Variants in IPO11 observed in about 807,000 individuals in gnomAD.
The protein encoded by IPO11 is importin-11.
A neutral mutation model predicts 143.2 loss-of-function variants in IPO11; 66 were observed. The ratio of observed to expected loss-of-function variants is 0.46; its 90% CI spans 0.38 to 0.57. The LOEUF is 0.57. Ranked by LOEUF, IPO11 falls within the 20% of genes least tolerant of loss-of-function variation. The pLI is 0.00. For missense variants in IPO11, 1,026 were observed against 1,141.0 expected (o/e 0.90, Z 1.45); for synonymous variants, 385 against 377.8 (o/e 1.02, Z -0.22).
intron 6 of IPO11, among the ~76,000 whole-genome samples, 192 bp downstream of exon 6, chr5:62,467,455 G>C (rs1378455762): frequency 8.5e-6 from 1 of 117,256 alleles, no homozygotes; most frequent in African/African-American, 3.0e-5. Flanking sequence ...ATTTTTGAAA[G>C]CACATATAAT....
At chr5:62,488,234 G>C (rs1746480012) in intron 13 of IPO11, among the ~76,000 whole-genome samples, 2 of 152,150 alleles carry the variant, frequency 1.3e-5, no homozygotes, top group African/African-American at 4.8e-5. Context: ...GGATTTGAGA[G>C]AAAATGATGA....
rs1005927019 is a variant in IPO11 at position 62,443,078 on chromosome 5, A to G, written c.234A>G (p.Ala78=). 8 of 1,594,356 alleles carry G rather than the reference A, an allele frequency of 5.0e-6. No individual in the cohort carries two copies. The highest frequency in any genetic ancestry group is 6.0e-6 in the Non-Finnish European group (7 of 1,164,732). The change falls in exon 3 of 30, where the codon GCA becomes GCG. Residue 78 remains alanine, a synonymous_variant. Transcript: ENST00000325324. The stretch of plus-strand genomic sequence containing the variant: ...TTGATCGCTACTGGAGACGTGTAGC[A>G]CCTCAGTAAGTTCCATCACTTCCCC... ...HGIDRYWRRV[A]PHALSEEEKT... is the part of the protein sequence containing the mutation.
chr5:62,623,343 A>ATT (rs1325540329), intron 29 of IPO11, among the ~76,000 whole-genome samples: 1 of 152,226 alleles, frequency 6.6e-6, no homozygotes, highest in Non-Finnish European at 1.5e-5. Context: ...AATGTTCTAC[A>ATT]TTTCTAAGTG....
At chr5:62,503,411 CTAT>C (rs1561338355) in intron 16 of IPO11, among the ~76,000 whole-genome samples, 4 of 147,664 alleles carry the variant, frequency 2.7e-5, no homozygotes, top group Admixed American at 6.8e-5. Context: ...TTAATAGTAT[CTAT>C]TAATATATTA....
At chr5:62,617,560 G>A (rs868063852) in intron 29 of IPO11, among the ~76,000 whole-genome samples, 1 of 152,012 alleles carries the variant, frequency 6.6e-6, no homozygotes, top group Admixed American at 6.6e-5. Flanking sequence ...ATTACACTTT[G>A]TTATGTAGCC....
intron 2 of IPO11, among the ~76,000 whole-genome samples, chr5:62,440,576 C>T (rs1744432797): frequency 6.6e-6 from 1 of 151,944 alleles, no homozygotes; most frequent in East Asian, 2.0e-4. Context: ...AGGCTGGTCT[C>T]TAACTCCTGA....
At chr5:62,562,221 T>C (rs1743796771) in intron 27 of IPO11, 1 of 152,234 alleles carries the variant, frequency 6.6e-6, no homozygotes, top group Admixed American at 6.5e-5. Flanking sequence ...GCCATTATGC[T>C]GGGCCCCTAT....
At chr5:62,484,191 G>T (rs865805489) in intron 11 of IPO11, 29 bp downstream of exon 11, 3 of 1,556,060 alleles carry the variant, frequency 1.9e-6, no homozygotes, top group South Asian at 2.4e-5. Context: ...GTGTTAGAAT[G>T]ACTTTTCTCC....
At position 62,613,406 on chromosome 5, in the gene IPO11, C is replaced by A. The variant is rs1378425502; in HGVS notation, c.2763+11558C>A. 2.1e-5 allele frequency among the ~76,000 whole-genome samples: 3 copies of A among 145,702 alleles called. No homozygotes were observed. The Admixed American group carries it at 2.2e-4, about 11-fold the overall frequency. On this transcript the variant is annotated intron_variant, in intron 29 of 29. Transcript: ENST00000325324. The stretch of plus-strand genomic sequence containing the variant: ...CAACCTCTATCTGATGGGCTCAAGC[C>A]ATCCTCCCACCTCAGCCCTCCAAGT...
intron 21 of IPO11, among the ~76,000 whole-genome samples, chr5:62,528,890 T>TCAGA (rs1742452733): frequency 6.6e-6 from 1 of 152,200 alleles, no homozygotes; most frequent in African/African-American, 2.4e-5. Flanking sequence ...AGTGAAACTT[T>TCAGA]CAGACTGATT....
chr5:62,546,675 C>A (rs568786216), intron 24 of IPO11, among the ~76,000 whole-genome samples: 3 of 152,038 alleles, frequency 2.0e-5, no homozygotes, highest in African/African-American at 7.2e-5. Flanking sequence ...TGCAAAAGTT[C>A]TTTTTGTAAT....
intron 27 of IPO11, among the ~76,000 whole-genome samples, chr5:62,571,882 C>T (rs939188236): frequency 6.6e-6 from 1 of 152,088 alleles, no homozygotes; most frequent in Non-Finnish European, 1.5e-5. Context: ...GATAGGGTTT[C>T]ACCATGTTGG....
chr5:62,517,158 A>C (rs1352594167), intron 20 of IPO11, among the ~76,000 whole-genome samples: 2 of 151,884 alleles, frequency 1.3e-5, no homozygotes, highest in African/African-American at 4.8e-5. Flanking sequence ...AGATCGCGCC[A>C]CTGCACTCTA....
rs1580298015 is a variant in IPO11, at chr5:62,536,791, A to C, written c.2169+10A>C. The stretch of plus-strand genomic sequence containing the variant: ...AACAGAATTTTTACAGGTATGTTGG[A>C]GTACTTTTGCATTATATGAAATTAT... On this transcript the variant is annotated intron_variant, in intron 23 of 29. Transcript: ENST00000325324. 1.3e-6 allele frequency: 2 copies of C among 1,534,394 alleles called. No homozygotes were observed. Among genetic ancestry groups the C allele is most frequent in the Non-Finnish European group, 8.7e-7 (1 of 1,148,630 alleles).
At chr5:62,519,867 T>A (rs905349163) in intron 20 of IPO11, among the ~76,000 whole-genome samples, 11 of 152,204 alleles carry the variant, frequency 7.2e-5, no homozygotes, top group African/African-American at 2.6e-4. Context: ...GTTGGCAGAG[T>A]TTAGTTCATT....
chr5:62,625,956 CAA>C (rs1347475291), intron 29 of IPO11, among the ~76,000 whole-genome samples: 1 of 152,182 alleles, frequency 6.6e-6, no homozygotes, highest in Non-Finnish European at 1.5e-5. Context: ...AAAAATAGTA[CAA>C]AGAGTTCCCA....
chr5:62,530,850 C>A, intron 22 of IPO11, 65 bp downstream of exon 22: 1 of 1,249,770 alleles, frequency 8.0e-7, no homozygotes, highest in Non-Finnish European at 1.2e-6. Context: ...GGCATTGAAA[C>A]ATAATTTGGA....
chr5:62,554,698 T>C (rs114110901), intron 26 of IPO11, among the ~76,000 whole-genome samples: 183 of 127,066 alleles, frequency 1.4e-3, no homozygotes, highest in Admixed American at 5.0e-3. Flanking sequence ...GTATTTGTTA[T>C]ACAGACACAC....
intron 1 of IPO11, among the ~76,000 whole-genome samples, chr5:62,425,692 G>C (rs562729138): frequency 6.6e-6 from 1 of 152,356 alleles, no homozygotes; most frequent in East Asian, 1.9e-4. Context: ...GAAGCAAGTT[G>C]ATGTGGGAAC....
Sources: allele counts gnomAD v4.1 joint callset (sites outside exome capture counted in the v4.1 genomes callset), GRCh38; gene constraint gnomAD v4.1.1; transcripts MANE v1.5; gene names NCBI Gene and HGNC (gene_info 2026-07-23, HGNC 2026-07-21).